Variants in AP3S2 observed in about 807,000 individuals in gnomAD.
AP3S2 encodes AP-3 complex subunit sigma-2.
A neutral mutation model predicts 23.4 loss-of-function variants in AP3S2; 22 were observed. The observed-to-expected ratio is 0.94, with a 90% CI of 0.67 to 1.34. The LOEUF (loss-of-function observed/expected upper bound fraction) is 1.34. Ranked by LOEUF, AP3S2 falls within the 40% of genes most tolerant of loss-of-function variation. The pLI is 0.00. For synonymous variants in AP3S2, 86 were observed against 87.1 expected (o/e 0.99, Z 0.07); for missense variants, 241 against 236.9 (o/e 1.02, Z -0.11).
chr15:89,863,255 G>C (rs887759814), intron 4 of AP3S2, among the ~76,000 whole-genome samples: 6 of 152,296 alleles, frequency 3.9e-5, no homozygotes, highest in South Asian at 2.1e-4. Context: ...AGAGAACAGA[G>C]AAAGTAGAAT....
Position 89,832,768 on chromosome 15 carries a change from G to C in AP3S2, c.*2747C>G, listed in dbSNP as rs545107679. The C allele has an allele frequency of 1.3e-5, 2 of 152,166 alleles. No individual in the cohort carries two copies. Among genetic ancestry groups the C allele is most frequent in the Non-Finnish European group, 2.9e-5 (2 of 68,050 alleles). 9.4% of individuals were successfully genotyped at this position (152,166 alleles called of 1,614,324 possible). ...CTCCCAAAGTGCTGGGATTACAGGC[G>C]TGAGCCACCGCACCTGGCCAACCTT... On this transcript the variant is annotated 3_prime_UTR_variant, in exon 6 of 6. Coordinates refer to ENST00000336418, the MANE Select transcript of AP3S2 (RefSeq NM_005829.5).
intron 4 of AP3S2, among the ~76,000 whole-genome samples, chr15:89,842,719 T>G (rs1895359888): frequency 6.6e-6 from 1 of 152,134 alleles, no homozygotes; most frequent in Non-Finnish European, 1.5e-5. Flanking sequence ...TTCAAGCGAT[T>G]CTCCTGCCTC....
chr15:89,836,009 C>T (rs1477721764), intron 5 of AP3S2, among the ~76,000 whole-genome samples: 2 of 148,966 alleles, frequency 1.3e-5, no homozygotes, highest in Middle Eastern at 3.4e-3. Flanking sequence ...ACCTGGGCAA[C>T]AGAGTGAGAC....
chr15:89,844,215 CTTTCTTTCTTTCTTTCTT>C (rs1895411060), intron 4 of AP3S2, among the ~76,000 whole-genome samples: 5 of 14,692 alleles, frequency 3.4e-4, no homozygotes, highest in South Asian at 1.8e-3. Context: ...CTTTCTCTTT[CTTTCTTTCTTTCTTTCTT>C]TCTTTCTTTC....
At chr15:89,865,966 T>C (rs1280452600) in intron 4 of AP3S2, among the ~76,000 whole-genome samples, 1 of 152,074 alleles carries the variant, frequency 6.6e-6, no homozygotes, top group Non-Finnish European at 1.5e-5. Flanking sequence ...ACTTTCAAAG[T>C]CACCTTGGAG....
chr15:89,870,393 T>C lies in AP3S2; in HGVS notation c.345+1082A>G, dbSNP rs528590201. 9.2e-5 allele frequency among the ~76,000 whole-genome samples: 14 copies of C among 152,234 alleles called. No homozygotes were observed. In the East Asian group the frequency reaches 2.5e-3, roughly 27 times the overall value. On this transcript the variant is annotated intron_variant, in intron 4 of 5. Coordinates refer to ENST00000336418, the MANE Select transcript of AP3S2 (RefSeq NM_005829.5). The stretch of plus-strand genomic sequence containing the variant: ...TTGTCAGGGAGTCCAAAGTTAAGTA[T>C]CTAAAGAAGGAAAAGGGTTCCATGA...
chr15:89,844,210 T>TC (rs1491088738), intron 4 of AP3S2, among the ~76,000 whole-genome samples: 1 of 8,668 alleles, frequency 1.2e-4, no homozygotes, highest in African/African-American at 3.4e-4. Context: ...TCTTTCTTTC[T>TC]CTTTCTTTCT....
chr15:89,846,550 G>A (rs925258647), intron 4 of AP3S2, among the ~76,000 whole-genome samples: 5 of 151,420 alleles, frequency 3.3e-5, no homozygotes, highest in Non-Finnish European at 5.9e-5. Flanking sequence ...TTTTTGAGAC[G>A]GAGTCTCGCT....
chr15:89,868,411 G>A (rs1394064770), intron 4 of AP3S2, among the ~76,000 whole-genome samples: 11 of 54,558 alleles, frequency 2.0e-4, no homozygotes, highest in African/African-American at 4.8e-4. Context: ...CCCTCCGCCC[G>A]GCCAGCCGCC....
chr15:89,863,214 G>A (rs771058674), intron 4 of AP3S2, among the ~76,000 whole-genome samples: 2 of 152,126 alleles, frequency 1.3e-5, no homozygotes, highest in Non-Finnish European at 2.9e-5. Context: ...ATTCTGGGTA[G>A]GACTGAAAAC....
intron 1 of AP3S2, among the ~76,000 whole-genome samples, chr15:89,891,584 G>C (rs569239805): frequency 2.0e-5 from 3 of 151,708 alleles, no homozygotes; most frequent in African/African-American, 7.3e-5. Flanking sequence ...ACTTGAACCC[G>C]GGAGGCAGAG....
chr15:89,864,346 G>A (rs1567180620), intron 4 of AP3S2, among the ~76,000 whole-genome samples: 1 of 151,958 alleles, frequency 6.6e-6, no homozygotes, highest in Non-Finnish European at 1.5e-5. Flanking sequence ...CTCAGGAACT[G>A]GAAAAAAAGC....
At chr15:89,871,837 G>A (rs1389995468) in intron 3 of AP3S2, among the ~76,000 whole-genome samples, 3 of 152,096 alleles carry the variant, frequency 2.0e-5, no homozygotes, top group African/African-American at 7.2e-5. Flanking sequence ...GGTAGGGCAT[G>A]GTGGCTCATA....
intron 5 of AP3S2, among the ~76,000 whole-genome samples, chr15:89,836,974 A>G (rs1895207161): frequency 6.6e-6 from 1 of 152,202 alleles, no homozygotes; most frequent in Non-Finnish European, 1.5e-5. Flanking sequence ...TCTGCATGTG[A>G]AAGTATACGT....
At chr15:89,891,139 G>A (rs905454191) in intron 1 of AP3S2, among the ~76,000 whole-genome samples, 4 of 152,140 alleles carry the variant, frequency 2.6e-5, no homozygotes, top group African/African-American at 7.2e-5. Flanking sequence ...GAAATGATGA[G>A]GCTACCTAAT....
intron 4 of AP3S2, among the ~76,000 whole-genome samples, chr15:89,850,326 T>C (rs977016952): frequency 2.6e-5 from 4 of 152,218 alleles, no homozygotes; most frequent in African/African-American, 7.2e-5. Context: ...ACTCACAGGA[T>C]CATACATTGT....
chr15:89,849,523 C>T (rs553209838), intron 4 of AP3S2, among the ~76,000 whole-genome samples: 6 of 151,980 alleles, frequency 3.9e-5, no homozygotes, highest in African/African-American at 9.7e-5. Context: ...CCCACCACCA[C>T]GCCCGGCTAA....
chr15:89,875,366 G>T (rs1417611720), intron 3 of AP3S2, among the ~76,000 whole-genome samples: 1 of 152,212 alleles, frequency 6.6e-6, no homozygotes, highest in Non-Finnish European at 1.5e-5. Flanking sequence ...GGTGGAAAAA[G>T]AACTGTCAGA....
chr15:89,872,529 GTTTAA>G lies in AP3S2; in HGVS notation c.274-988_274-984del, dbSNP rs1420751657. Among the ~76,000 whole-genome samples the G allele has an allele frequency of 3.9e-5, 6 of 152,284 alleles. No homozygotes were observed. The East Asian group carries it at 1.2e-3, about 29-fold the overall frequency. On this transcript the variant is annotated intron_variant, in intron 3 of 5. Transcript: ENST00000336418. Reference sequence around the variant, plus strand: ...ACAACCTAGGTATCTATCTATAACTGTTTAATTTCTCTCAGACAATGACCTCATTT... The same window carrying G: ...ACAACCTAGGTATCTATCTATAACTGTTTCTCTCAGACAATGACCTCATTT...
Sources: gnomAD v4.1 joint callset for allele counts (sites outside exome capture counted in the v4.1 genomes callset) on GRCh38, gnomAD v4.1.1 for gene constraint, MANE v1.5 for transcripts, NCBI Gene and HGNC (gene_info 2026-07-23, HGNC 2026-07-21) for gene names.